The following AGBL4 variants were observed in gnomAD, a reference collection of about 807,000 sequenced individuals.
AGBL4 encodes the protein cytosolic carboxypeptidase 6.
A neutral mutation model predicts 66.4 loss-of-function variants in AGBL4; 58 were observed. The observed-to-expected ratio is 0.87, with a 90% CI of 0.71 to 1.09. The LOEUF is 1.09. AGBL4 is among the 50% of genes least tolerant of loss of function. The pLI is 0.00. For synonymous variants in AGBL4, 234 were observed against 222.9 expected, an observed-to-expected ratio of 1.05 and a Z score of -0.44; for missense variants, 579 against 631.0, an observed-to-expected ratio of 0.92 and a Z score of 0.88.
intron 3 of AGBL4, among the ~76,000 whole-genome samples, chr1:49,499,239 T>C (rs1647898295): frequency 6.6e-6 from 1 of 152,010 alleles, no homozygotes; most frequent in Non-Finnish European, 1.5e-5. Context: ...TTCTCAACAT[T>C]TGTGTGTTCA....
intron 3 of AGBL4, among the ~76,000 whole-genome samples, chr1:49,415,793 G>C (rs981192053): frequency 6.6e-6 from 1 of 152,124 alleles, no homozygotes; most frequent in Non-Finnish European, 1.5e-5. Context: ...GCAGGTTAAA[G>C]TATTGAGGCT....
intron 5 of AGBL4, among the ~76,000 whole-genome samples, chr1:48,933,298 G>A (rs1345269360): frequency 1.3e-5 from 2 of 152,118 alleles, no homozygotes; most frequent in African/African-American, 4.8e-5. Context: ...AGATCATTTA[G>A]TTTAGCCTCC....
chr1:49,830,712 G>A (rs1225938069), intron 2 of AGBL4, among the ~76,000 whole-genome samples: 2 of 152,128 alleles, frequency 1.3e-5, no homozygotes, highest in Non-Finnish European at 2.9e-5. Flanking sequence ...TATTGCCTAG[G>A]TTTTCTTCTA....
At chr1:49,754,463 G>A (rs1044142252) in intron 2 of AGBL4, among the ~76,000 whole-genome samples, 1 of 151,928 alleles carries the variant, frequency 6.6e-6, no homozygotes, top group African/African-American at 2.4e-5. Context: ...CTGCAAGTCT[G>A]CTGGATTTTG....
intron 5 of AGBL4, among the ~76,000 whole-genome samples, chr1:48,950,468 G>C (rs1254523175): frequency 1.3e-5 from 2 of 152,190 alleles, no homozygotes; most frequent in Non-Finnish European, 2.9e-5. Context: ...TCATCAGCTA[G>C]CCAAATGTAA....
chr1:49,110,828 A>T (rs662440), intron 4 of AGBL4, among the ~76,000 whole-genome samples: 73,329 of 151,940 alleles, frequency 0.48, 20,447 homozygotes, highest in Middle Eastern at 0.64. Flanking sequence ...AATTCAATTC[A>T]GTCTACTCTT....
At chr1:49,072,479 T>C (rs576274990) in intron 4 of AGBL4, among the ~76,000 whole-genome samples, 1 of 152,266 alleles carries the variant, frequency 6.6e-6, no homozygotes, top group Non-Finnish European at 1.5e-5. Flanking sequence ...TGTAAAGGAT[T>C]TTATTTCTCC....
rs192286668 is a variant in AGBL4, at chr1:49,216,102, C to T, written c.377+29668G>A. On this transcript the variant is annotated intron_variant, in intron 4 of 13. Coordinates refer to ENST00000371839, the MANE Select transcript of AGBL4 (RefSeq NM_032785.4). ...TCATATCTAACTCTGAGAACCCCAC[C>T]ATGGAGGAGACACTCATACTAACAG... 4.5e-4 allele frequency among the ~76,000 whole-genome samples: 69 copies of T among 152,182 alleles called. No homozygotes were observed. The East Asian group carries it at 8.5e-3, about 19-fold the overall frequency.
chr1:49,310,806 TAAA>T (rs902638258), intron 3 of AGBL4, among the ~76,000 whole-genome samples: 1 of 150,738 alleles, frequency 6.6e-6, no homozygotes, highest in Non-Finnish European at 1.5e-5. Flanking sequence ...TTATTCTAAG[TAAA>T]AAAAAACTCA....
rs138870489 is a variant in AGBL4, at chr1:49,617,671, A to C, written c.282+79642T>G. On this transcript the variant is annotated intron_variant, in intron 3 of 13. Coordinates refer to ENST00000371839, the MANE Select transcript of AGBL4 (RefSeq NM_032785.4). ...TCATAGTACCTATCACATGATGTGC[A>C]CTCAGAAAATATTTGATAAATGAGT... Among the ~76,000 whole-genome samples, 12 of 152,314 alleles carry C rather than the reference A, an allele frequency of 7.9e-5. No individual in the cohort carries two copies. The East Asian group carries it at 2.1e-3, about 27-fold the overall frequency.
At chr1:49,852,355 T>C (rs1323635489) in intron 1 of AGBL4, among the ~76,000 whole-genome samples, 4 of 152,110 alleles carry the variant, frequency 2.6e-5, no homozygotes, top group African/African-American at 9.7e-5. Context: ...TTTTTAAATA[T>C]TATTAAACAT....
chr1:49,456,506 C>T (rs1253049512), intron 3 of AGBL4, among the ~76,000 whole-genome samples: 1 of 151,672 alleles, frequency 6.6e-6, no homozygotes, highest in Non-Finnish European at 1.5e-5. Context: ...GCATTAGTGT[C>T]AGTTATTACA....
chr1:49,673,829 C>A (rs892532228), intron 3 of AGBL4, among the ~76,000 whole-genome samples: 12 of 151,730 alleles, frequency 7.9e-5, no homozygotes, highest in African/African-American at 2.9e-4. Flanking sequence ...ATCTAGTGTG[C>A]TGAGTTGTGA....
intron 3 of AGBL4, among the ~76,000 whole-genome samples, chr1:49,683,631 A>C (rs1432069241): frequency 6.6e-6 from 1 of 152,194 alleles, no homozygotes; most frequent in Non-Finnish European, 1.5e-5. Flanking sequence ...ATAGCCTGGA[A>C]GTAAGGAGAA....
At chr1:49,511,423 G>A (rs1025742041) in intron 3 of AGBL4, among the ~76,000 whole-genome samples, 1 of 137,998 alleles carries the variant, frequency 7.2e-6, no homozygotes, top group African/African-American at 2.7e-5. Flanking sequence ...CATGGACACA[G>A]GAAGGGGAAC....
intron 3 of AGBL4, among the ~76,000 whole-genome samples, chr1:49,352,813 A>C (rs1374217551): frequency 1.3e-5 from 2 of 152,226 alleles, no homozygotes; most frequent in Non-Finnish European, 2.9e-5. Flanking sequence ...AGGACCCATA[A>C]TAATTGTCCT....
At chr1:49,740,504 T>G (rs1352965352) in intron 2 of AGBL4, among the ~76,000 whole-genome samples, 2 of 151,972 alleles carry the variant, frequency 1.3e-5, no homozygotes, top group African/African-American at 4.8e-5. Context: ...GACAAAAAGT[T>G]AACAAGGATA....
intron 1 of AGBL4, among the ~76,000 whole-genome samples, chr1:49,924,270 C>T (rs1360536017): frequency 1.3e-5 from 2 of 152,064 alleles, no homozygotes; most frequent in Non-Finnish European, 2.9e-5. Flanking sequence ...AGGGGAACAA[C>T]ACACACTGGG....
chr1:49,175,226 T>A (rs933397248), intron 4 of AGBL4: 1 of 151,784 alleles, frequency 6.6e-6, no homozygotes, highest in African/African-American at 2.4e-5. Context: ...GAACTGTAAG[T>A]TGATAAGGAG....
Sources: gnomAD v4.1 joint callset for allele counts (sites outside exome capture counted in the v4.1 genomes callset) on GRCh38, gnomAD v4.1.1 for gene constraint, MANE v1.5 for transcripts, NCBI Gene and HGNC (gene_info 2026-07-23, HGNC 2026-07-21) for gene names.